POLR3F: variants seen among roughly 807,000 people sequenced by gnomAD.
POLR3F encodes the protein RNA polymerase III subunit F, also known as DNA-directed RNA polymerase III subunit RPC6.
In POLR3F, 31 loss-of-function variants were observed where a neutral mutation model predicts 43.6. The observed-to-expected ratio is 0.71, with a 90% CI of 0.53 to 0.96. The LOEUF is 0.96. POLR3F is among the 40% of genes least tolerant of loss of function. The pLI is 0.00. For synonymous variants in POLR3F, 114 were observed against 132.5 expected (o/e 0.86, Z 0.96); for missense variants, 316 against 391.7 (o/e 0.81, Z 1.63).
Position 18,480,642 on chromosome 20 carries a change from T to C in POLR3F, c.681+133T>C, listed in dbSNP as rs1011742605. 4 of 650,322 alleles carry C rather than the reference T, an allele frequency of 6.2e-6. No individual in the cohort carries two copies. In the African/African-American group the frequency reaches 7.3e-5, roughly 12 times the overall value. 40.3% of individuals were successfully genotyped at this position (650,322 alleles called of 1,614,324 possible). A position where few individuals can be genotyped will look rare whatever the true frequency, so the allele number is the denominator to read the frequency against. On this transcript the variant is annotated intron_variant, in intron 7 of 8. Transcript: ENST00000377603. ...TACGAACATTCTGCAGAATCCACTT[T>C]GGGAAAATACTGTCCTGTATCTTAG...
rs778841079 is a variant in POLR3F, at chr20:18,467,481, C to A, written c.-26C>A. 28 of 1,613,868 alleles carry A rather than the reference C, an allele frequency of 1.7e-5. No individual in the cohort carries two copies. Among genetic ancestry groups the A allele is most frequent in the Non-Finnish European group, 2.3e-5 (27 of 1,179,822 alleles). ...ACCGGGCTGCTCCGTGCATCTTTCCCCCCAGGCGTCAGGAACTGCGCCCTC... is the reference window on the plus strand; with the variant it reads ...ACCGGGCTGCTCCGTGCATCTTTCCACCCAGGCGTCAGGAACTGCGCCCTC... On this transcript the variant is annotated 5_prime_UTR_variant, in exon 1 of 9. Transcript: ENST00000377603.
chr20:18,476,290 T>C (rs2059779906), intron 5 of POLR3F, among the ~76,000 whole-genome samples: 1 of 152,228 alleles, frequency 6.6e-6, no homozygotes. Context: ...AACGAATAAT[T>C]TATTTTCTGC....
chr20:18,469,482 C>T (rs558741477), intron 2 of POLR3F: 1 of 158,640 alleles, frequency 6.3e-6, no homozygotes, highest in South Asian at 1.8e-4. Context: ...ACCAGCTTTC[C>T]TGGGTCTCCA....
intron 7 of POLR3F, among the ~76,000 whole-genome samples, chr20:18,481,149 A>T (rs991675552): frequency 2.0e-5 from 3 of 152,192 alleles, no homozygotes; most frequent in African/African-American, 7.2e-5. Context: ...GTTTGTGCTA[A>T]CTTGGCCTAT....
chr20:18,480,437 G>A lies in POLR3F; in HGVS notation c.609G>A (p.Met203Ile), dbSNP rs2059803870. 1 of 1,612,378 alleles carries A rather than the reference G, an allele frequency of 6.2e-7. No homozygotes were observed. The highest frequency in any genetic ancestry group is 1.3e-5 in the African/African-American group (1 of 75,014). Residue 203 changes from methionine to isoleucine, a missense_variant, in exon 7 of 9, where the codon ATG becomes ATA. Transcript: ENST00000377603. ...CACGAGAAAGCAAACAGAACCCAATGATACAAAGAAATAGTTCATTTGCCT... is the reference window on the plus strand; with the variant it reads ...CACGAGAAAGCAAACAGAACCCAATAATACAAAGAAATAGTTCATTTGCCT... ...ETARESKQNP[M>I]IQRNSSFASS... is the part of the protein sequence containing the mutation.
chr20:18,477,429 AG>A (rs1215142216), intron 5 of POLR3F, among the ~76,000 whole-genome samples: 6 of 152,234 alleles, frequency 3.9e-5, no homozygotes, highest in Non-Finnish European at 2.9e-5. Context: ...CATTGTCCAA[AG>A]GTCAAGCTCT....
At chr20:18,476,229 A>G (rs1201936919) in intron 5 of POLR3F, among the ~76,000 whole-genome samples, 2 of 152,164 alleles carry the variant, frequency 1.3e-5, no homozygotes, top group Admixed American at 1.3e-4. Context: ...ATCACCCCCA[A>G]ATGTGGCCAC....
At chr20:18,467,845 T>G (rs2059706127) in intron 1 of POLR3F, among the ~76,000 whole-genome samples, 1 of 152,218 alleles carries the variant, frequency 6.6e-6, no homozygotes, top group African/African-American at 2.4e-5. Context: ...GCCTTCCTAC[T>G]TTGACGCGAT....
intron 4 of POLR3F, 86 bp downstream of exon 4, chr20:18,473,544 C>T: frequency 1.5e-6 from 1 of 671,228 alleles, no homozygotes; most frequent in Admixed American, 2.2e-5. Flanking sequence ...CAGGGTAGAA[C>T]TCAGTGGACA....
rs534746251 is a variant in POLR3F at position 18,474,575 on chromosome 20, A to G, written c.317-500A>G. Among the ~76,000 whole-genome samples the G allele has an allele frequency of 9.4e-4, 143 of 151,800 alleles. 1 individual carries two copies. Among genetic ancestry groups the G allele is most frequent in the African/African-American group, 3.4e-3 (140 of 41,378 alleles). ...GCTCTGTTGCCCAGGCTGGAGTGCA[A>G]TGGTGTGATCTCGGCTCAGTGCAAC... On this transcript the variant is annotated intron_variant, in intron 4 of 8. Coordinates refer to ENST00000377603, the MANE Select transcript of POLR3F (RefSeq NM_006466.4).
intron 4 of POLR3F, 45 bp downstream of exon 4, chr20:18,473,503 A>G (rs1346121493): frequency 1.1e-6 from 1 of 949,530 alleles, no homozygotes; most frequent in South Asian, 1.3e-5. Flanking sequence ...TGTCTTTGGA[A>G]CTAGATATAG....
chr20:18,481,038 G>A (rs567683486), intron 7 of POLR3F, among the ~76,000 whole-genome samples: 1 of 152,202 alleles, frequency 6.6e-6, no homozygotes, highest in Non-Finnish European at 1.5e-5. Context: ...CTAAAGAAAT[G>A]TTATTTTTTA....
intron 8 of POLR3F, among the ~76,000 whole-genome samples, chr20:18,482,704 G>C (rs2059817099): frequency 6.6e-6 from 1 of 152,156 alleles, no homozygotes; most frequent in Non-Finnish European, 1.5e-5. Context: ...AAGAGACACT[G>C]TCCCAGTCCT....
At chr20:18,480,348 T>G in intron 6 of POLR3F, 54 bp from the exon 7 acceptor site, 2 of 1,355,592 alleles carry the variant, frequency 1.5e-6, no homozygotes, top group South Asian at 2.4e-5. Flanking sequence ...TAAAGTGTAT[T>G]CAGAAAACAC....
rs1337004817 is a variant in POLR3F, at chr20:18,480,117, A to T, written c.509A>T (p.Gln170Leu). The T allele has an allele frequency of 6.2e-7, 1 of 1,612,360 alleles. No homozygotes were observed. ...SVTGGAWYSD[Q>L]DFESEFVEVL... Reference sequence around the variant, plus strand: ...ACTGGTGGAGCCTGGTACAGTGACCAGGATTTTGAATCTGAATTTGTAGAG... The same window carrying T: ...ACTGGTGGAGCCTGGTACAGTGACCTGGATTTTGAATCTGAATTTGTAGAG... The change falls in exon 6 of 9, where the codon CAG becomes CTG. Residue 170 changes from glutamine to leucine, a missense_variant. Gln to Leu is a moderately radical substitution (Grantham distance 113, BLOSUM62 -2). This residue lies in a region of POLR3F where 109 missense variants were observed against 177.7 expected (regional missense o/e 0.61). Transcript: ENST00000377603.
chr20:18,481,537 C>T (rs1358952627), intron 7 of POLR3F, 82 bp from the exon 8 acceptor site: 17 of 957,142 alleles, frequency 1.8e-5, no homozygotes, highest in Non-Finnish European at 1.7e-5. Flanking sequence ...CTGCGCCCAG[C>T]AACCCTTTAC....
chr20:18,476,193 C>T (rs182086082), intron 5 of POLR3F, among the ~76,000 whole-genome samples: 8 of 152,284 alleles, frequency 5.3e-5, no homozygotes, highest in Admixed American at 2.0e-4. Context: ...CAACCATCAC[C>T]GCTGTTCTAA....
intron 7 of POLR3F, 140 bp downstream of exon 7, chr20:18,480,649 A>G (rs2059805297): frequency 1.6e-6 from 1 of 643,816 alleles, no homozygotes; most frequent in Admixed American, 2.8e-5. Flanking sequence ...CTTTGGGAAA[A>G]TACTGTCCTG....
Position 18,481,774 on chromosome 20 carries a change from C to G in POLR3F, c.837C>G (p.Pro279=). 6.2e-7 allele frequency: 1 copy of G among 1,613,760 alleles called. No individual in the cohort carries two copies. The highest frequency in any genetic ancestry group is 8.5e-7 in the Non-Finnish European group (1 of 1,179,716). ...LYRAVNPIIP[P]TGLVRAPCGL... ...GGGCAGTCAATCCAATCATCCCTCC[C>G]ACAGGTTTGGTCCGGGCACCCTGTG... is the stretch of plus-strand genomic sequence containing the variant. Residue 279 remains proline, a synonymous_variant, in exon 8 of 9, where the codon CCC becomes CCG. Coordinates refer to ENST00000377603, the MANE Select transcript of POLR3F (RefSeq NM_006466.4).
Sources: allele counts gnomAD v4.1 joint callset (sites outside exome capture counted in the v4.1 genomes callset), GRCh38; gene constraint gnomAD v4.1.1; regional missense constraint gnomAD v4.1.1; transcripts MANE v1.5; gene names NCBI Gene and HGNC (gene_info 2026-07-23, HGNC 2026-07-21).